The following NLGN1 variants were observed in gnomAD, a reference collection of about 807,000 sequenced individuals.
The protein encoded by NLGN1 is neuroligin 1, also known as neuroligin-1.
A neutral mutation model predicts 65.5 loss-of-function variants in NLGN1; 12 were observed. The observed-to-expected ratio is 0.18, with a 90% CI of 0.12 to 0.30. NLGN1 has a LOEUF of 0.30. Among genes scored for constraint, NLGN1 ranks in the 10% least tolerant of loss-of-function variants. The pLI is 1.00. For missense variants in NLGN1, 750 were observed against 1,007.1 expected, an observed-to-expected ratio of 0.74 and a Z score of 3.46; for synonymous variants, 350 against 359.5, an observed-to-expected ratio of 0.97 and a Z score of 0.30.
chr3:174,258,881 G>C (rs900282450), intron 4 of NLGN1, among the ~76,000 whole-genome samples: 17 of 152,132 alleles, frequency 1.1e-4, no homozygotes, highest in African/African-American at 4.1e-4. Flanking sequence ...AGGAAGGAGA[G>C]GGTGGAAGAG....
chr3:173,567,693 T>C (rs889658890), intron 2 of NLGN1, among the ~76,000 whole-genome samples: 1 of 151,946 alleles, frequency 6.6e-6, no homozygotes, highest in African/African-American at 2.4e-5. Context: ...ATTTTAATTA[T>C]TCCTAATTTT....
intron 4 of NLGN1, among the ~76,000 whole-genome samples, chr3:173,831,022 C>G (rs148273284): frequency 1.3e-3 from 198 of 152,290 alleles, no homozygotes; most frequent in Non-Finnish European, 2.3e-3. Context: ...AGTTATAGCT[C>G]TCAATTTGGT....
chr3:173,512,005 G>A (rs555171564), intron 2 of NLGN1, among the ~76,000 whole-genome samples: 3 of 152,286 alleles, frequency 2.0e-5, no homozygotes, highest in African/African-American at 7.2e-5. Context: ...CTCATGGGTG[G>A]AAGCATGCAA....
At chr3:173,583,637 A>C in intron 2 of NLGN1, among the ~76,000 whole-genome samples, 1 of 152,228 alleles carries the variant, frequency 6.6e-6, no homozygotes, top group East Asian at 1.9e-4. Flanking sequence ...AAGTGTGATT[A>C]GAGCGCTTGG....
intron 4 of NLGN1, among the ~76,000 whole-genome samples, chr3:173,841,413 T>C (rs904760577): frequency 6.6e-6 from 1 of 152,168 alleles, no homozygotes; most frequent in African/African-American, 2.4e-5. Flanking sequence ...ATTCATAAAA[T>C]ATGTGGAACA....
chr3:173,767,442 A>C (rs190935071), intron 3 of NLGN1, among the ~76,000 whole-genome samples: 1 of 152,070 alleles, frequency 6.6e-6, no homozygotes, highest in Non-Finnish European at 1.5e-5. Context: ...ACTCTTGGAA[A>C]GTACAAAGAT....
intron 4 of NLGN1, among the ~76,000 whole-genome samples, chr3:173,884,873 A>G (rs1156491140): frequency 1.3e-5 from 2 of 152,264 alleles, no homozygotes; most frequent in East Asian, 3.9e-4. Context: ...CCCTGTTTCC[A>G]AGATAGCCCC....
At chr3:173,465,243 A>C (rs759308900) in intron 2 of NLGN1, among the ~76,000 whole-genome samples, 9 of 152,210 alleles carry the variant, frequency 5.9e-5, no homozygotes, top group Non-Finnish European at 1.0e-4. Flanking sequence ...TTTTGTAGAC[A>C]AGAGCCAACA....
intron 4 of NLGN1, among the ~76,000 whole-genome samples, chr3:174,014,848 T>C (rs2152447976): frequency 6.6e-6 from 1 of 152,264 alleles, no homozygotes; most frequent in African/African-American, 2.4e-5. Flanking sequence ...GTAAAGCACT[T>C]GGCTCAGTTC....
chr3:173,443,162 G>T (rs597760), intron 2 of NLGN1, among the ~76,000 whole-genome samples: 3 of 151,366 alleles, frequency 2.0e-5, no homozygotes, highest in African/African-American at 4.9e-5. Context: ...TCACTTGATC[G>T]CAGGAATTGG....
At chr3:173,694,331 A>G (rs935905942) in intron 3 of NLGN1, among the ~76,000 whole-genome samples, 7 of 152,200 alleles carry the variant, frequency 4.6e-5, no homozygotes, top group African/African-American at 1.7e-4. Context: ...GTGCAAAACT[A>G]ACTGAAAATT....
At chr3:173,590,431 C>T (rs960920560) in intron 2 of NLGN1, among the ~76,000 whole-genome samples, 7 of 152,132 alleles carry the variant, frequency 4.6e-5, no homozygotes, top group African/African-American at 1.2e-4. Flanking sequence ...ATAACAACAT[C>T]TAAGAAGGAA....
intron 4 of NLGN1, among the ~76,000 whole-genome samples, chr3:174,118,056 G>A (rs1444115577): frequency 6.6e-6 from 1 of 151,990 alleles, no homozygotes; most frequent in East Asian, 1.9e-4. Flanking sequence ...ATTTGTTGTT[G>A]ATTTTTCATC....
chr3:173,732,431 A>G (rs1454106580), intron 3 of NLGN1, among the ~76,000 whole-genome samples: 1 of 152,114 alleles, frequency 6.6e-6, no homozygotes, highest in Non-Finnish European at 1.5e-5. Flanking sequence ...TGCTGCTACT[A>G]GTTAGGCTTT....
chr3:173,510,409 A>C (rs757767101), intron 2 of NLGN1, among the ~76,000 whole-genome samples: 1 of 152,188 alleles, frequency 6.6e-6, no homozygotes, highest in East Asian at 1.9e-4. Context: ...GTATCTTCCT[A>C]GTATGTCATC....
At chr3:173,864,291 A>T (rs952260020) in intron 4 of NLGN1, among the ~76,000 whole-genome samples, 8 of 152,144 alleles carry the variant, frequency 5.3e-5, no homozygotes, top group Non-Finnish European at 1.2e-4. Context: ...CACTTAATAG[A>T]TGTACATATT....
At chr3:174,119,413 C>G (rs955249440) in intron 4 of NLGN1, among the ~76,000 whole-genome samples, 2 of 135,966 alleles carry the variant, frequency 1.5e-5, no homozygotes, top group African/African-American at 5.8e-5. Context: ...TTCAAAGTAT[C>G]TCATAGCTTG....
chr3:174,204,590 G>C (rs988573836), intron 4 of NLGN1, among the ~76,000 whole-genome samples: 31 of 152,286 alleles, frequency 2.0e-4, no homozygotes, highest in Non-Finnish European at 4.3e-4. Context: ...TGAAAGTCTT[G>C]AGACAGCATA....
intron 2 of NLGN1, among the ~76,000 whole-genome samples, chr3:173,460,885 C>T (rs1723264295): frequency 1.3e-5 from 2 of 152,096 alleles, no homozygotes; most frequent in African/African-American, 4.8e-5. Context: ...GAAGAGCTGC[C>T]TAGGGAATGC....
Sources: gnomAD v4.1 joint callset for allele counts (sites outside exome capture counted in the v4.1 genomes callset) on GRCh38, gnomAD v4.1.1 for gene constraint, MANE v1.5 for transcripts, NCBI Gene and HGNC (gene_info 2026-07-23, HGNC 2026-07-21) for gene names.